MIS18BP1: variants seen among roughly 807,000 people sequenced by gnomAD.
MIS18BP1 encodes the protein mis18-binding protein 1.
Under a neutral mutation model 116.1 loss-of-function variants are expected in MIS18BP1, and 72 were observed. The observed-to-expected ratio is 0.62, with a 90% confidence interval of 0.51 to 0.75. The LOEUF is 0.75. MIS18BP1 is among the 30% of genes least tolerant of loss of function. The probability of loss-of-function intolerance (pLI) is 0.00; values close to 1 mark genes in which losing one functional copy is unlikely to be tolerated. For missense variants in MIS18BP1, 1,363 were observed against 1,303.2 expected (o/e 1.05, Z -0.71); for synonymous variants, 386 against 427.0 (o/e 0.90, Z 1.18).
intron 14 of MIS18BP1, among the ~76,000 whole-genome samples, chr14:45,208,330 GTTTTTT>G (rs1166566812): frequency 2.5e-5 from 3 of 120,940 alleles, no homozygotes; most frequent in Non-Finnish European, 3.4e-5. Flanking sequence ...GGATGAAGTT[GTTTTTT>G]TTTTTTTTTT....
At chr14:45,218,153 T>G in intron 12 of MIS18BP1, 129 bp downstream of exon 12, 1 of 1,032,092 alleles carries the variant, frequency 9.7e-7, no homozygotes, top group South Asian at 1.8e-5. Flanking sequence ...TTTCTGAAAT[T>G]CTCTCTAGCT....
chr14:45,237,044 C>T (rs1337994618), intron 5 of MIS18BP1, among the ~76,000 whole-genome samples: 2 of 146,398 alleles, frequency 1.4e-5, no homozygotes, highest in Non-Finnish European at 1.5e-5. Context: ...GACAGAGTCT[C>T]GCTCTGTCAC....
At chr14:45,249,870 A>G (rs908503568) in intron 1 of MIS18BP1, among the ~76,000 whole-genome samples, 1 of 152,176 alleles carries the variant, frequency 6.6e-6, no homozygotes. Context: ...TGAGACTCCA[A>G]CTGAAAATAA....
At chr14:45,212,879 C>T (rs1252825293) in intron 13 of MIS18BP1, among the ~76,000 whole-genome samples, 1 of 152,160 alleles carries the variant, frequency 6.6e-6, no homozygotes, top group Non-Finnish European at 1.5e-5. Context: ...ACATATAAAA[C>T]CCCAAGTCAC....
In MIS18BP1 at chr14:45,231,154, A is replaced by G. The variant is rs764282880; in HGVS notation, c.1581T>C (p.Asp527=). The change falls in exon 8 of 17, where the codon GAT becomes GAC. Residue 527 remains aspartate (D), a synonymous_variant. Coordinates refer to ENST00000310806, the MANE Select transcript of MIS18BP1 (RefSeq NM_018353.5). ...GACAAAACATACCCAAATTATCACA[A>G]TCAAAATCGTAAGTGGTGGTGGCTC... ...AQRATTTYDF[D]CDNLELKSNK... is the part of the protein sequence containing the mutation. 4 of 1,610,734 alleles carry G rather than the reference A, an allele frequency of 2.5e-6. No homozygotes were observed. The highest frequency in any genetic ancestry group is 3.4e-6 in the Non-Finnish European group (4 of 1,179,170).
chr14:45,224,228 C>T lies in MIS18BP1; in HGVS notation c.2359G>A (p.Glu787Lys), dbSNP rs1402347859. Residue 787 changes from glutamate to lysine, a missense_variant, in exon 11 of 17, where the codon GAA (glutamate) becomes AAA (lysine). Coordinates refer to ENST00000310806, the MANE Select transcript of MIS18BP1 (RefSeq NM_018353.5). Reference sequence around the variant, plus strand: ...TTTCCTGCTTTGGTTTTCTTAACTTCAGCTTTCCTTTTAATTTCCTTTTCT... The same window carrying T: ...TTTCCTGCTTTGGTTTTCTTAACTTTAGCTTTCCTTTTAATTTCCTTTTCT... ...ETEKEIKRKA[E>K]VKKTKAGNTK... 5.0e-6 allele frequency: 8 copies of T among 1,613,786 alleles called. No homozygotes were observed. In the African/African-American group the frequency reaches 9.3e-5, roughly 19 times the overall value.
At position 45,242,275 on chromosome 14, in the gene MIS18BP1, A is replaced by G; in HGVS notation, c.902T>C (p.Leu301Ser). The part of the protein sequence containing the change: ...NCIPIKNGSL[L>S]MVSDSERTTE... ...TGTCCTCTCACTATCAGAAACCATT[A>G]ACAGGCTGCCATTTTTAATAGGAAT... is the stretch of plus-strand genomic sequence containing the variant. The change falls in exon 4 of 17, where the codon TTA becomes TCA. Residue 301 changes from leucine (L) to serine (S), a missense_variant. Transcript: ENST00000310806. 6.2e-7 allele frequency: 1 copy of G among 1,614,094 alleles called. No homozygotes were observed. The highest frequency in any genetic ancestry group is 8.5e-7 in the Non-Finnish European group (1 of 1,180,002).
intron 13 of MIS18BP1, among the ~76,000 whole-genome samples, chr14:45,213,237 G>T (rs1434779400): frequency 2.0e-5 from 3 of 152,142 alleles, no homozygotes; most frequent in African/African-American, 7.2e-5. Flanking sequence ...AAGAATTGTG[G>T]TTTCTGCAGA....
At chr14:45,215,561 T>C (rs774319589) in intron 13 of MIS18BP1, among the ~76,000 whole-genome samples, 110 of 151,088 alleles carry the variant, frequency 7.3e-4, no homozygotes, top group Admixed American at 2.2e-3. Context: ...TATAGGTGCA[T>C]GCCACCACAC....
chr14:45,248,336 G>C (rs1169964766), intron 1 of MIS18BP1, among the ~76,000 whole-genome samples: 3 of 151,866 alleles, frequency 2.0e-5, no homozygotes, highest in African/African-American at 7.3e-5. Flanking sequence ...CAAAGTGCTG[G>C]GGTTACAGGT....
At chr14:45,249,745 C>T (rs1262794068) in intron 1 of MIS18BP1, among the ~76,000 whole-genome samples, 1 of 152,096 alleles carries the variant, frequency 6.6e-6, no homozygotes, top group Non-Finnish European at 1.5e-5. Context: ...GTGGCACATG[C>T]CTGTAGTCCC....
rs1397320265 is a variant in MIS18BP1 at position 45,224,644 on chromosome 14, G to C, written c.1943C>G (p.Ala648Gly). The C allele has an allele frequency of 5.6e-6, 9 of 1,612,928 alleles. No homozygotes were observed. The highest frequency in any genetic ancestry group is 7.6e-6 in the Non-Finnish European group (9 of 1,179,706). ...TTTAAGTGGTGTTACTAAAATATAA[G>C]CTTTCTTCTGATTGATGGCCATGTA... ...RKYMAINQKKAYILVTPLKSR... is the reference protein window; with the variant it reads ...RKYMAINQKKGYILVTPLKSR... The change falls in exon 11 of 17, where the codon GCT becomes GGT. Residue 648 changes from alanine (A) to glycine (G), a missense_variant. Transcript: ENST00000310806.
intron 1 of MIS18BP1, among the ~76,000 whole-genome samples, chr14:45,248,080 T>C (rs963386042): frequency 2.0e-5 from 3 of 151,316 alleles, no homozygotes. Flanking sequence ...TTTTCTTTTT[T>C]TGGAGACAGA....
intron 16 of MIS18BP1, 46 bp downstream of exon 16, chr14:45,204,353 C>A: frequency 6.4e-7 from 1 of 1,570,790 alleles, no homozygotes; most frequent in Non-Finnish European, 8.7e-7. Flanking sequence ...AAAGAACCTA[C>A]CTTATAATAG....
intron 15 of MIS18BP1, among the ~76,000 whole-genome samples, chr14:45,205,870 C>T (rs1890501115): frequency 6.6e-6 from 1 of 152,126 alleles, no homozygotes; most frequent in South Asian, 2.1e-4. Context: ...AGTTTTTAGC[C>T]ATTTTCCCCT....
chr14:45,208,420 C>T (rs535882133), intron 14 of MIS18BP1, among the ~76,000 whole-genome samples: 2 of 149,914 alleles, frequency 1.3e-5, no homozygotes, highest in African/African-American at 4.9e-5. Context: ...GCAACCTCTG[C>T]CTCCCGGGTT....
intron 1 of MIS18BP1, among the ~76,000 whole-genome samples, chr14:45,247,759 G>A (rs1891761474): frequency 6.6e-6 from 1 of 152,002 alleles, no homozygotes; most frequent in African/African-American, 2.4e-5. Context: ...CACTACATTA[G>A]GTTACAAAAG....
In MIS18BP1 at chr14:45,214,081, C is replaced by T. The variant is rs148467780; in HGVS notation, c.3003+2938G>A. Among the ~76,000 whole-genome samples, 449 of 152,292 alleles carry T rather than the reference C, an allele frequency of 2.9e-3. 3 individuals are homozygous for T. Among genetic ancestry groups the T allele is most frequent in the African/African-American group, 0.01 (432 of 41,554 alleles). Reference sequence around the variant, plus strand: ...TCCAAGGTTTCTCCCCATGTGATAGCCTGAGATATGGCCTCGTGGGAAGGG... The same window carrying T: ...TCCAAGGTTTCTCCCCATGTGATAGTCTGAGATATGGCCTCGTGGGAAGGG... On this transcript the variant is annotated intron_variant, in intron 13 of 16. Transcript: ENST00000310806.
intron 11 of MIS18BP1, among the ~76,000 whole-genome samples, chr14:45,219,828 G>A (rs778099964): frequency 5.3e-5 from 8 of 152,114 alleles, no homozygotes; most frequent in Non-Finnish European, 7.4e-5. Flanking sequence ...CTAAATCTAC[G>A]ACTGTCTAAA....
Sources: gnomAD v4.1 joint callset for allele counts (sites outside exome capture counted in the v4.1 genomes callset) on GRCh38, gnomAD v4.1.1 for gene constraint, MANE v1.5 for transcripts, NCBI Gene and HGNC (gene_info 2026-07-23, HGNC 2026-07-21) for gene names.